FGF10: variants seen among roughly 807,000 people sequenced by gnomAD.
The protein encoded by FGF10 is fibroblast growth factor 10, also known as FGF-10.
Under a neutral mutation model 19.8 loss-of-function variants are expected in FGF10, and 2 were observed. That is an observed-to-expected ratio of 0.10 (90% CI 0.04 to 0.32). The LOEUF (loss-of-function observed/expected upper bound fraction) is 0.32. Among genes scored for constraint, FGF10 ranks in the 10% least tolerant of loss-of-function variants. The pLI, the probability that FGF10 is intolerant of heterozygous loss-of-function variation, is 1.00. For synonymous variants in FGF10, 112 were observed against 94.0 expected, an observed-to-expected ratio of 1.19 and a Z score of -1.10; for missense variants, 191 against 246.3, an observed-to-expected ratio of 0.78 and a Z score of 1.50.
chr5:44,385,519 C>T (rs1259531246), intron 1 of FGF10, among the ~76,000 whole-genome samples: 1 of 152,054 alleles, frequency 6.6e-6, no homozygotes, highest in Non-Finnish European at 1.5e-5. Flanking sequence ...ATTTTAGCAG[C>T]AATAATACTA....
chr5:44,349,444 ATATATATAT>A (rs1408607802), intron 1 of FGF10, among the ~76,000 whole-genome samples: 184 of 11,596 alleles, frequency 0.016, 20 homozygotes, highest in African/African-American at 0.04. Flanking sequence ...ATATATATAT[ATATATATAT>A]ATATATATAT....
Position 44,388,638 on chromosome 5 carries a change from G to C in FGF10, c.45C>G (p.His15Gln). ...AGCAGCAGCAGCAGCAGCCGGGCAG[G>C]TGGGGAAAGGCTGAGGCACAATGTG... ...ILTHCASAFP[H>Q]LPGCCCCCFL... The change falls in exon 1 of 3, where the codon CAC (histidine) becomes CAG (glutamine). Residue 15 changes from histidine to glutamine, a missense_variant. Transcript: ENST00000264664. 6.2e-7 allele frequency: 1 copy of C among 1,614,132 alleles called. No homozygotes were observed. Among genetic ancestry groups the C allele is most frequent in the South Asian group, 1.1e-5 (1 of 91,076 alleles).
intron 1 of FGF10, among the ~76,000 whole-genome samples, chr5:44,384,752 G>C (rs1171507894): frequency 6.6e-6 from 1 of 152,112 alleles, no homozygotes; most frequent in Non-Finnish European, 1.5e-5. Context: ...TGTATTTAAA[G>C]AGATAAAGCC....
chr5:44,305,518 T>A (rs1481064139), intron 2 of FGF10, among the ~76,000 whole-genome samples: 1 of 152,134 alleles, frequency 6.6e-6, no homozygotes, highest in Non-Finnish European at 1.5e-5. Flanking sequence ...CTAACAATAT[T>A]TGTGATGAGT....
Position 44,302,460 on chromosome 5 carries a change from G to A in FGF10, c.*2535C>T, listed in dbSNP as rs1354444286. ...TGCAGCCTCAAACTCCTGGGCCCAA[G>A]AGATCCTTCCGTTTCAGCCTCCTGA... On this transcript the variant is annotated 3_prime_UTR_variant, in exon 3 of 3. Transcript: ENST00000264664. 2.6e-5 allele frequency among the ~76,000 whole-genome samples: 4 copies of A among 152,012 alleles called. No individual in the cohort carries two copies. Among genetic ancestry groups the A allele is most frequent in the Non-Finnish European group, 5.9e-5 (4 of 68,016 alleles).
At chr5:44,382,203 T>C (rs767388991) in intron 1 of FGF10, among the ~76,000 whole-genome samples, 4 of 152,184 alleles carry the variant, frequency 2.6e-5, no homozygotes, top group Non-Finnish European at 4.4e-5. Context: ...CCACCTTACA[T>C]GGGAATCTAC....
intron 1 of FGF10, among the ~76,000 whole-genome samples, chr5:44,315,245 T>C (rs1579898001): frequency 2.0e-5 from 3 of 151,522 alleles, no homozygotes. Context: ...AAATATGTTA[T>C]ACATTACTTT....
intron 1 of FGF10, among the ~76,000 whole-genome samples, chr5:44,370,261 A>T (rs1437987018): frequency 6.6e-6 from 1 of 152,134 alleles, no homozygotes; most frequent in Non-Finnish European, 1.5e-5. Context: ...TAGGGTATGG[A>T]TCTCAAATCA....
chr5:44,333,949 A>G (rs735083), intron 1 of FGF10, among the ~76,000 whole-genome samples: 30,802 of 151,860 alleles, frequency 0.2, 3,315 homozygotes, highest in Admixed American at 0.31. Flanking sequence ...TCCCTACTCT[A>G]CCCCTTCAGC....
At chr5:44,313,893 G>A (rs185480390) in intron 1 of FGF10, among the ~76,000 whole-genome samples, 351 of 152,186 alleles carry the variant, frequency 2.3e-3, no homozygotes, top group Non-Finnish European at 4.1e-3. Context: ...AGTCAAATAC[G>A]TAATGGCTTT....
At chr5:44,363,253 T>C (rs1437333852) in intron 1 of FGF10, among the ~76,000 whole-genome samples, 1 of 151,838 alleles carries the variant, frequency 6.6e-6, no homozygotes, top group Admixed American at 6.6e-5. Flanking sequence ...GCTCTTTAAG[T>C]GAAAACTTGT....
intron 1 of FGF10, among the ~76,000 whole-genome samples, chr5:44,353,876 C>T (rs952088097): frequency 6.6e-6 from 1 of 151,446 alleles, no homozygotes; most frequent in African/African-American, 2.4e-5. Flanking sequence ...ATCCAGCCAG[C>T]TAACATGCTT....
chr5:44,302,059 T>A lies in FGF10; in HGVS notation c.*2936A>T, dbSNP rs943601713. Among the ~76,000 whole-genome samples the A allele has an allele frequency of 6.6e-5, 10 of 151,628 alleles. No individual in the cohort carries two copies. Among genetic ancestry groups the A allele is most frequent in the Non-Finnish European group, 1.5e-4 (10 of 67,930 alleles). On this transcript the variant is annotated 3_prime_UTR_variant, in exon 3 of 3. Transcript: ENST00000264664. ...GGGACCATACTCCTACAGAGGCAGA[T>A]CTCTCAATAGCTCCAATTTTTTTTT...
chr5:44,365,022 A>G (rs1376532142), intron 1 of FGF10, among the ~76,000 whole-genome samples: 1 of 151,982 alleles, frequency 6.6e-6, no homozygotes, highest in African/African-American at 2.4e-5. Flanking sequence ...GCCAAACACT[A>G]GAATTGGAAA....
rs17228283 is a variant in FGF10, at chr5:44,303,667, C to T, written c.*1328G>A. The T allele has an allele frequency of 0.073, 11,058 of 152,136 alleles. 537 individuals are homozygous for T. The highest frequency in any genetic ancestry group is 0.11 in the Middle Eastern group (32 of 294). The allele number at this position is 152,136 out of a possible 1,614,324, so 9.4% of individuals were successfully genotyped here. Reference sequence around the variant, plus strand: ...GGTTACATTATGGAACTTTGTAAAGCTCTTTAAATTTACAGAAAACAAGTT... The same window carrying T: ...GGTTACATTATGGAACTTTGTAAAGTTCTTTAAATTTACAGAAAACAAGTT... On this transcript the variant is annotated 3_prime_UTR_variant, in exon 3 of 3. Transcript: ENST00000264664.
At chr5:44,334,310 T>G (rs759339875) in intron 1 of FGF10, among the ~76,000 whole-genome samples, 2 of 152,092 alleles carry the variant, frequency 1.3e-5, no homozygotes, top group Non-Finnish European at 2.9e-5. Flanking sequence ...AAATACTGCT[T>G]CTTCTCATTC....
chr5:44,339,152 A>T (rs1191014242), intron 1 of FGF10, among the ~76,000 whole-genome samples: 2 of 152,198 alleles, frequency 1.3e-5, no homozygotes, highest in Non-Finnish European at 2.9e-5. Flanking sequence ...CTTTAAATAG[A>T]GACTAAAATC....
At chr5:44,344,891 T>A (rs978856114) in intron 1 of FGF10, among the ~76,000 whole-genome samples, 2 of 150,668 alleles carry the variant, frequency 1.3e-5, no homozygotes, top group African/African-American at 5.0e-5. Context: ...GTTTCCCTGA[T>A]TCAAGGCAAT....
At chr5:44,363,947 C>G (rs1400478619) in intron 1 of FGF10, among the ~76,000 whole-genome samples, 2 of 151,692 alleles carry the variant, frequency 1.3e-5, no homozygotes, top group African/African-American at 4.8e-5. Context: ...TGGTAATAAA[C>G]AAGACTTCCT....
Sources: allele counts gnomAD v4.1 joint callset (sites outside exome capture counted in the v4.1 genomes callset), GRCh38; gene constraint gnomAD v4.1.1; transcripts MANE v1.5; gene names NCBI Gene and HGNC (gene_info 2026-07-23, HGNC 2026-07-21).